The following SLC6A6 variants were observed in gnomAD, a reference collection of about 807,000 sequenced individuals.
SLC6A6 encodes solute carrier family 6 member 6, also known as sodium- and chloride-dependent taurine transporter.
In SLC6A6, 16 loss-of-function variants were observed where a neutral mutation model predicts 68.8. The observed-to-expected ratio is 0.23, with a 90% confidence interval of 0.16 to 0.35. The LOEUF (loss-of-function observed/expected upper bound fraction) is 0.35, where lower values mean the gene tolerates loss of function less well. Among genes scored for constraint, SLC6A6 ranks in the 10% least tolerant of loss-of-function variants. The pLI is 1.00. For missense variants in SLC6A6, 474 were observed against 802.8 expected (o/e 0.59, Z 4.95); for synonymous variants, 312 against 315.4 (o/e 0.99, Z 0.12).
intron 2 of SLC6A6, among the ~76,000 whole-genome samples, chr3:14,439,146 G>A (rs1699926138): frequency 6.6e-6 from 1 of 152,256 alleles, no homozygotes; most frequent in African/African-American, 2.4e-5. Flanking sequence ...GGAGGCCCAG[G>A]TGGCCAGGTG....
At position 14,450,900 on chromosome 3, in the gene SLC6A6, A is replaced by G. The variant is rs995977645; in HGVS notation, c.599+3084A>G. 2.1e-5 allele frequency among the ~76,000 whole-genome samples: 3 copies of G among 143,858 alleles called. No homozygotes were observed. The highest frequency in any genetic ancestry group is 3.1e-5 in the Non-Finnish European group (2 of 65,146). 94.4% of individuals were successfully genotyped at this position (143,858 alleles called of 152,430 possible). A position where few individuals can be genotyped will look rare whatever the true frequency, so the allele number is the denominator to read the frequency against. On this transcript the variant is annotated intron_variant, in intron 5 of 14. Coordinates refer to ENST00000622186, the MANE Select transcript of SLC6A6 (RefSeq NM_003043.6). The surrounding 1 kb of genome is among the most constrained non-coding windows in gnomAD (Gnocchi z 4.1). ...CCCCTGTCATTTCTTTCAGTCTCTA[A>G]GTAGAGGAAATAGCTAGGCATCATC...
Position 14,411,859 on chromosome 3 carries a change from T to C in SLC6A6, c.-53-4553T>C, listed in dbSNP as rs530731139. ...GGCTGGTGAACAAGACAGACCAAACTGTACCCTCATGGAGCTGTCTGTCTG... is the reference window on the plus strand; with the variant it reads ...GGCTGGTGAACAAGACAGACCAAACCGTACCCTCATGGAGCTGTCTGTCTG... On this transcript the variant is annotated intron_variant, in intron 1 of 14. Transcript: ENST00000622186. 1.6e-4 allele frequency among the ~76,000 whole-genome samples: 25 copies of C among 152,316 alleles called. No homozygotes were observed. In the East Asian group the frequency reaches 4.2e-3, roughly 26 times the overall value.
Position 14,487,774 on chromosome 3 carries a change from G to A in SLC6A6, c.*2767G>A, listed in dbSNP as rs1701211081. On this transcript the variant is annotated 3_prime_UTR_variant, in exon 15 of 15. Transcript: ENST00000622186. ...CAGGGAGGCACTGTGAGCCAGGAAT[G>A]GATTTTCTTGAAACAGCTCTAGCTG... 1 of 152,230 alleles carries A rather than the reference G, an allele frequency of 6.6e-6. No homozygotes were observed. The highest frequency in any genetic ancestry group is 2.4e-5 in the African/African-American group (1 of 41,430). 9.4% of individuals were successfully genotyped at this position (152,230 alleles called of 1,614,324 possible).
At chr3:14,430,741 G>A (rs2124923770) in intron 2 of SLC6A6, among the ~76,000 whole-genome samples, 1 of 152,358 alleles carries the variant, frequency 6.6e-6, no homozygotes, top group Admixed American at 6.5e-5. Context: ...GGCGTCCACT[G>A]TATCCCACCA....
chr3:14,466,352 T>A (rs1290083152), intron 6 of SLC6A6, among the ~76,000 whole-genome samples, 164 bp from the exon 7 acceptor site: 1 of 137,792 alleles, frequency 7.3e-6, no homozygotes, highest in Non-Finnish European at 1.6e-5. Context: ...AGACCCAGAG[T>A]GGTTAAGCAA....
Position 14,472,355 on chromosome 3 carries a change from T to G in SLC6A6, c.1209+38T>G. 3.2e-6 allele frequency: 4 copies of G among 1,249,798 alleles called. No individual in the cohort carries two copies. The highest frequency in any genetic ancestry group is 4.7e-6 in the Non-Finnish European group (4 of 849,050). The allele number at this position is 1,249,798 out of a possible 1,614,324, so 77.4% of individuals were successfully genotyped here. On this transcript the variant is annotated intron_variant, in intron 10 of 14. Coordinates refer to ENST00000622186, the MANE Select transcript of SLC6A6 (RefSeq NM_003043.6). This position sits in a 1 kb window ranked among gnomAD's most constrained non-coding sequence, Gnocchi z 4.5. Reference sequence around the variant, plus strand: ...GATGGCCCTGGGGCGACTGCCCCTGTGGGGAACCTGACTCTGGGAAAGACT... The same window carrying G: ...GATGGCCCTGGGGCGACTGCCCCTGGGGGGAACCTGACTCTGGGAAAGACT...
rs148155410 is a variant in SLC6A6, at chr3:14,409,650, AG to A, written c.-53-6758del. ...ACACAGCACCTGTGCTCAAGGAGGG[AG>A]GGGAGATCCCTATCAGGAGGAGGTT... On this transcript the variant is annotated intron_variant, in intron 1 of 14. Transcript: ENST00000622186. 7.7e-3 allele frequency among the ~76,000 whole-genome samples: 1,178 copies of A among 152,302 alleles called. 11 individuals carry two copies. The highest frequency in any genetic ancestry group is 0.077 in the East Asian group (397 of 5,158).
At chr3:14,476,333 A>G (rs1233863200) in intron 10 of SLC6A6, among the ~76,000 whole-genome samples, 1 of 152,242 alleles carries the variant, frequency 6.6e-6, no homozygotes, top group East Asian at 1.9e-4. Flanking sequence ...TATCAATTAA[A>G]AAATGAGGCA....
At chr3:14,415,159 A>C (rs1699334938) in intron 1 of SLC6A6, among the ~76,000 whole-genome samples, 1 of 152,182 alleles carries the variant, frequency 6.6e-6, no homozygotes, top group Non-Finnish European at 1.5e-5. Flanking sequence ...TGGCTCTGTC[A>C]TCCACTGCTG....
rs1244545476 is a variant in SLC6A6, at chr3:14,479,107, T to C, written c.1473T>C (p.Gly491=). Residue 491 remains glycine (G), a synonymous_variant, in exon 13 of 15, where the codon GGT becomes GGC. Transcript: ENST00000622186. ...WIYGGDNLYD[G]IEDMIGYRPG... is the part of the protein sequence containing the mutation. ...CAGGAGGTGATAACCTTTATGATGG[T>C]ATTGAGGACATGATTGGCTATCGGC... The C allele has an allele frequency of 6.2e-7, 1 of 1,612,216 alleles. No homozygotes were observed. Among genetic ancestry groups the C allele is most frequent in the South Asian group, 1.1e-5 (1 of 91,042 alleles).
Position 14,466,623 on chromosome 3 carries a change from T to G in SLC6A6, c.840T>G (p.Pro280=). The change falls in exon 7 of 15, where the codon CCT becomes CCG. Residue 280 remains proline (P), a synonymous_variant. Coordinates refer to ENST00000622186, the MANE Select transcript of SLC6A6 (RefSeq NM_003043.6). ...AGAGIKFYLY[P]DITRLEDPQV... is the part of the protein sequence containing the mutation. ...CAGGCATCAAGTTCTATCTGTATCC[T>G]GACATCACCCGCCTTGAGGACCCAC... 1 of 1,611,996 alleles carries G rather than the reference T, an allele frequency of 6.2e-7. No individual in the cohort carries two copies. Among genetic ancestry groups the G allele is most frequent in the Non-Finnish European group, 8.5e-7 (1 of 1,178,644 alleles).
intron 1 of SLC6A6, among the ~76,000 whole-genome samples, chr3:14,410,737 G>C (rs1476443368): frequency 6.6e-6 from 1 of 152,214 alleles, no homozygotes; most frequent in Non-Finnish European, 1.5e-5. Context: ...GCCCTGAGAG[G>C]CTCTTCCTTT....
intron 2 of SLC6A6, among the ~76,000 whole-genome samples, chr3:14,417,607 C>T (rs143953874): frequency 1.2e-3 from 180 of 152,266 alleles, no homozygotes; most frequent in African/African-American, 4.1e-3. Context: ...TGGCGGGCGC[C>T]TGTAGTTCCA....
At chr3:14,417,515 A>G (rs1282765244) in intron 2 of SLC6A6, among the ~76,000 whole-genome samples, 1 of 152,090 alleles carries the variant, frequency 6.6e-6, no homozygotes, top group Admixed American at 6.5e-5. Context: ...GCAGATCACG[A>G]GGTCAGGAGA....
intron 1 of SLC6A6, among the ~76,000 whole-genome samples, chr3:14,410,447 C>T (rs1161501091): frequency 1.3e-5 from 2 of 152,158 alleles, no homozygotes; most frequent in African/African-American, 4.8e-5. Flanking sequence ...CAGGAGACAC[C>T]CCCAGAGCCC....
chr3:14,434,456 C>T (rs1219725708), intron 2 of SLC6A6, among the ~76,000 whole-genome samples: 1 of 152,236 alleles, frequency 6.6e-6, no homozygotes, highest in Non-Finnish European at 1.5e-5. Flanking sequence ...TGCAGGTCAG[C>T]TTGGTAGGGC....
At chr3:14,408,984 A>G (rs901783035) in intron 1 of SLC6A6, among the ~76,000 whole-genome samples, 1 of 151,570 alleles carries the variant, frequency 6.6e-6, no homozygotes. Flanking sequence ...TTTTTTTTGT[A>G]TTTTTAGTAG....
At chr3:14,454,691 CTT>C (rs1559303757) in intron 5 of SLC6A6, among the ~76,000 whole-genome samples, 1 of 152,158 alleles carries the variant, frequency 6.6e-6, no homozygotes, top group Non-Finnish European at 1.5e-5. Flanking sequence ...TTTAAAATAA[CTT>C]TTATAAAGGT....
At chr3:14,418,541 AC>A (rs942303505) in intron 2 of SLC6A6, among the ~76,000 whole-genome samples, 1 of 152,220 alleles carries the variant, frequency 6.6e-6, no homozygotes, top group Admixed American at 6.5e-5. Flanking sequence ...GTCAGCCTCC[AC>A]AGGCGTCATC....
Sources: allele counts gnomAD v4.1 joint callset (sites outside exome capture counted in the v4.1 genomes callset), GRCh38; gene constraint gnomAD v4.1.1; non-coding constraint Gnocchi (gnomAD v3.1); transcripts MANE v1.5; gene names NCBI Gene and HGNC (gene_info 2026-07-23, HGNC 2026-07-21).